Variants in SGCD observed in about 807,000 individuals in gnomAD.
SGCD encodes the protein sarcoglycan delta, also known as delta-sarcoglycan.
A neutral mutation model predicts 36.6 loss-of-function variants in SGCD; 18 were observed. The observed-to-expected ratio is 0.49, with a 90% CI of 0.34 to 0.73. The LOEUF (loss-of-function observed/expected upper bound fraction) is 0.73. SGCD is among the 30% of genes least tolerant of loss of function. The pLI is 0.01. For synonymous variants in SGCD, 133 were observed against 130.6 expected (o/e 1.02, Z -0.12); for missense variants, 387 against 346.7 (o/e 1.12, Z -0.92).
the SGCD span, among the ~76,000 whole-genome samples, chr5:155,784,069 G>T: frequency 1.3e-5 from 2 of 152,212 alleles, no homozygotes; most frequent in African/African-American, 2.4e-5. Context: ...CTCAGAAAGG[G>T]CCTTCTAGTC....
At chr5:156,206,604 A>C (rs1226149817) in intron 3 of SGCD, among the ~76,000 whole-genome samples, 1 of 152,112 alleles carries the variant, frequency 6.6e-6, no homozygotes, top group African/African-American at 2.4e-5. Flanking sequence ...CAGTGTGGTT[A>C]AATGGCTTTA....
chr5:156,639,315 C>T (rs1053652680), intron 6 of SGCD, among the ~76,000 whole-genome samples: 5 of 152,160 alleles, frequency 3.3e-5, no homozygotes, highest in African/African-American at 1.2e-4. Flanking sequence ...TTCCTCTTCA[C>T]AGTCTTCATG....
At chr5:155,930,150 T>C (rs1331493188) in intron 1 of SGCD, among the ~76,000 whole-genome samples, 1 of 152,168 alleles carries the variant, frequency 6.6e-6, no homozygotes, top group East Asian at 1.9e-4. Context: ...ACTTCTTGAG[T>C]ATAAGAAATT....
chr5:156,428,115 A>C (rs1341299554), intron 3 of SGCD, among the ~76,000 whole-genome samples: 3 of 152,088 alleles, frequency 2.0e-5, no homozygotes, highest in Non-Finnish European at 4.4e-5. Context: ...GATTGGTACC[A>C]ATTCCTTTTT....
At position 156,133,914 on chromosome 5, in the gene SGCD, A is replaced by AACACACAC. The variant is rs70981997; in HGVS notation, c.-44+9935_-44+9942dup. On this transcript the variant is annotated intron_variant, in intron 3 of 9. Coordinates refer to the SGCD transcript ENST00000517913. ...ATTTAGGTCTTATTTGCCGGGTTAA[A>AACACACAC]ACACACACACACACACACACACACA... is the stretch of plus-strand genomic sequence containing the variant. Among the ~76,000 whole-genome samples, 513 of 140,400 alleles carry AACACACAC rather than the reference A, an allele frequency of 3.7e-3. 1 individual carries two copies. The highest frequency in any genetic ancestry group is 0.011 in the African/African-American group (412 of 36,812). 92.1% of individuals were successfully genotyped at this position (140,400 alleles called of 152,430 possible).
chr5:155,854,377 G>T, the SGCD span, among the ~76,000 whole-genome samples: 11 of 152,176 alleles, frequency 7.2e-5, no homozygotes, highest in African/African-American at 2.6e-4. Context: ...TTATTATTTT[G>T]CCCCATTTAT....
intron 3 of SGCD, among the ~76,000 whole-genome samples, chr5:156,461,943 C>T (rs747927450): frequency 4.6e-5 from 7 of 152,254 alleles, no homozygotes; most frequent in Admixed American, 2.0e-4. Context: ...GAGCTTCCTA[C>T]CTGCATAGTT....
chr5:156,092,872 G>A (rs978922926), intron 1 of SGCD, among the ~76,000 whole-genome samples: 1 of 152,178 alleles, frequency 6.6e-6, no homozygotes, highest in South Asian at 2.1e-4. Flanking sequence ...AAGTTTTATT[G>A]TTCTTACAAC....
chr5:156,541,303 A>G lies in SGCD; in HGVS notation c.294+32601A>G, dbSNP rs555505913. Among the ~76,000 whole-genome samples the G allele has an allele frequency of 3.9e-5, 6 of 152,304 alleles. No homozygotes were observed. In the South Asian group the frequency reaches 1.2e-3, roughly 32 times the overall value. On this transcript the variant is annotated intron_variant, in intron 4 of 8. Coordinates refer to ENST00000337851, the MANE Select transcript of SGCD (RefSeq NM_000337.6). ...AGGAATTTTAAGCTGGCAGAGGATGAATATAGATCTTACAAAGTTGATTGT... is the reference window on the plus strand; with the variant it reads ...AGGAATTTTAAGCTGGCAGAGGATGGATATAGATCTTACAAAGTTGATTGT...
chr5:155,900,581 C>G (rs148032766), intron 1 of SGCD, among the ~76,000 whole-genome samples: 1 of 141,768 alleles, frequency 7.1e-6, no homozygotes, highest in Non-Finnish European at 1.5e-5. Context: ...CCCCTCCCCC[C>G]ACTCCACAAC....
At chr5:155,933,198 C>T (rs78439073) in intron 1 of SGCD, among the ~76,000 whole-genome samples, 2,350 of 152,244 alleles carry the variant, frequency 0.015, 66 homozygotes, top group African/African-American at 0.054. Context: ...TTTTCAAAAA[C>T]GTCTAGCTCA....
At chr5:156,049,206 C>T (rs1759853155) in intron 1 of SGCD, among the ~76,000 whole-genome samples, 1 of 146,154 alleles carries the variant, frequency 6.8e-6, no homozygotes, top group Non-Finnish European at 1.5e-5. Context: ...GTACCAGTAC[C>T]ATGCTGTTTT....
intron 3 of SGCD, among the ~76,000 whole-genome samples, chr5:156,496,348 G>A (rs1254105876): frequency 6.6e-6 from 1 of 152,070 alleles, no homozygotes; most frequent in Non-Finnish European, 1.5e-5. Flanking sequence ...CCTTAAGGAT[G>A]ATCTTTAATG....
chr5:156,032,695 A>G lies in SGCD; in HGVS notation c.-281-85183A>G, dbSNP rs1322929304. Among the ~76,000 whole-genome samples the G allele has an allele frequency of 7.4e-5, 9 of 121,440 alleles. No homozygotes were observed. In the Admixed American group the frequency reaches 8.9e-4, roughly 12 times the overall value. 79.7% of individuals were successfully genotyped at this position (121,440 alleles called of 152,430 possible). On this transcript the variant is annotated intron_variant, in intron 1 of 9. Transcript: ENST00000517913. The stretch of plus-strand genomic sequence containing the variant: ...GCACTCCAGCCTGGGCGACAGAGCA[A>G]GACTCCGTCTCAAAAAAAAAAAAAA...
intron 7 of SGCD, among the ~76,000 whole-genome samples, chr5:156,737,504 G>A (rs1390016526): frequency 2.0e-5 from 3 of 152,160 alleles, no homozygotes; most frequent in Non-Finnish European, 4.4e-5. Flanking sequence ...AAGCTTGAGT[G>A]AGGTATAGTT....
chr5:156,502,867 G>T (rs73297105), intron 3 of SGCD, among the ~76,000 whole-genome samples: 51,433 of 152,032 alleles, frequency 0.34, 9,039 homozygotes, highest in African/African-American at 0.4. Context: ...TTTAGTTGGT[G>T]ACTCTAATCA....
the SGCD span, among the ~76,000 whole-genome samples, chr5:155,749,674 A>G: frequency 2.0e-5 from 3 of 152,236 alleles, no homozygotes; most frequent in African/African-American, 7.2e-5. Flanking sequence ...GCTGACTGCA[A>G]GAGATTCCTT....
intron 3 of SGCD, among the ~76,000 whole-genome samples, chr5:156,214,391 A>G (rs1764523055): frequency 6.6e-6 from 1 of 151,996 alleles, no homozygotes; most frequent in Admixed American, 6.6e-5. Flanking sequence ...TTAGGATAAA[A>G]TTTAACCCAG....
At chr5:156,143,785 G>A (rs1168942274) in intron 3 of SGCD, among the ~76,000 whole-genome samples, 1 of 151,514 alleles carries the variant, frequency 6.6e-6, no homozygotes, top group African/African-American at 2.4e-5. Flanking sequence ...TGTGTACAAT[G>A]TGCAGGTTTG....
Sources: allele counts gnomAD v4.1 joint callset (sites outside exome capture counted in the v4.1 genomes callset), GRCh38; gene constraint gnomAD v4.1.1; transcripts MANE v1.5; gene names NCBI Gene and HGNC (gene_info 2026-07-23, HGNC 2026-07-21).